CENPQ: variants seen among roughly 807,000 people sequenced by gnomAD.
CENPQ encodes the protein chromosome 6 open reading frame 139.
Under a neutral mutation model 36.6 loss-of-function variants are expected in CENPQ, and 27 were observed. The ratio of observed to expected loss-of-function variants is 0.74; its 90% confidence interval spans 0.54 to 1.02. The LOEUF is 1.02. Ranked by LOEUF, CENPQ falls within the 50% of genes least tolerant of loss-of-function variation. The pLI is 0.00. For synonymous variants in CENPQ, 101 were observed against 101.7 expected, an observed-to-expected ratio of 0.99 and a Z score of 0.04; for missense variants, 306 against 301.8, an observed-to-expected ratio of 1.01 and a Z score of -0.10.
intron 2 of CENPQ, 132 bp downstream of exon 2, chr6:49,470,410 T>A: frequency 2.0e-6 from 1 of 488,062 alleles, no homozygotes; most frequent in Non-Finnish European, 3.6e-6. Context: ...GAAACCATCC[T>A]GGCTAACATG....
At chr6:49,477,727 G>A (rs1768332225) in intron 5 of CENPQ, among the ~76,000 whole-genome samples, 5 of 152,062 alleles carry the variant, frequency 3.3e-5, no homozygotes, top group Admixed American at 3.3e-4. Flanking sequence ...TGAATCAGAT[G>A]GGTTGGGTCA....
chr6:49,487,196 C>G (rs1394389613), intron 6 of CENPQ, among the ~76,000 whole-genome samples: 1 of 71,928 alleles, frequency 1.4e-5, no homozygotes, highest in African/African-American at 5.0e-5. Flanking sequence ...AGAGTCTGTT[C>G]CTCCATGGAG....
chr6:49,474,708 C>T, intron 5 of CENPQ, among the ~76,000 whole-genome samples: 1 of 152,016 alleles, frequency 6.6e-6, no homozygotes, highest in Admixed American at 6.6e-5. Flanking sequence ...TTCAAAAAAT[C>T]AGTGAATCCA....
intron 1 of CENPQ, among the ~76,000 whole-genome samples, chr6:49,465,311 T>C (rs1392124098): frequency 6.6e-6 from 1 of 152,162 alleles, no homozygotes; most frequent in East Asian, 1.9e-4. Flanking sequence ...TTCTTCCATT[T>C]CCAGAGCACA....
At chr6:49,478,282 GA>G (rs920536404) in intron 5 of CENPQ, among the ~76,000 whole-genome samples, 1 of 152,152 alleles carries the variant, frequency 6.6e-6, no homozygotes, top group African/African-American at 2.4e-5. Flanking sequence ...AACCTATGGT[GA>G]ATTATATTTG....
chr6:49,474,308 A>G (rs1768220221), intron 5 of CENPQ, among the ~76,000 whole-genome samples: 1 of 152,186 alleles, frequency 6.6e-6, no homozygotes, highest in Non-Finnish European at 1.5e-5. Context: ...AGAAATTATA[A>G]CAAACTGTCT....
chr6:49,470,449 C>CA lies in CENPQ; in HGVS notation c.102+182dup, dbSNP rs143329397. 9.0e-3 allele frequency among the ~76,000 whole-genome samples: 1,259 copies of CA among 140,556 alleles called. 10 individuals carry two copies. Among genetic ancestry groups the CA allele is most frequent in the East Asian group, 0.029 (140 of 4,908 alleles). 92.2% of individuals were successfully genotyped at this position (140,556 alleles called of 152,430 possible). ...AAACCCCGTCTCTACTTAAAAAAAACAAAAAAAAAAATACAAAAAATTAGC... is the reference window on the plus strand; with the variant it reads ...AAACCCCGTCTCTACTTAAAAAAAACAAAAAAAAAAAATACAAAAAATTAGC... On this transcript the variant is annotated intron_variant, in intron 2 of 8. Transcript: ENST00000335783.
At chr6:49,475,510 G>T (rs1429424640) in intron 5 of CENPQ, among the ~76,000 whole-genome samples, 1 of 152,136 alleles carries the variant, frequency 6.6e-6, no homozygotes, top group African/African-American at 2.4e-5. Context: ...TTGAAAACTG[G>T]CACAAGACAG....
At position 49,481,038 on chromosome 6, in the gene CENPQ, G is replaced by A; in HGVS notation, c.435G>A (p.Arg145=). 6.2e-7 allele frequency: 1 copy of A among 1,610,418 alleles called. No homozygotes were observed. Among genetic ancestry groups the A allele is most frequent in the South Asian group, 1.1e-5 (1 of 89,820 alleles). ...TNVSSLLNME[R]ARDKANEEGL... ...TATCAAGTCTACTGAATATGGAAAG[G>A]GCACGAGACAAAGCTAATGAAGAAG... Residue 145 remains arginine, a synonymous_variant, in exon 6 of 9, where the codon AGG becomes AGA. Transcript: ENST00000335783.
chr6:49,486,207 G>A (rs989438425), intron 6 of CENPQ, among the ~76,000 whole-genome samples: 14 of 152,190 alleles, frequency 9.2e-5, no homozygotes, highest in African/African-American at 3.1e-4. Flanking sequence ...ACCAAAAGCT[G>A]AAAAAGACAA....
chr6:49,464,209 A>G (rs1029101110), intron 1 of CENPQ, among the ~76,000 whole-genome samples: 1 of 152,194 alleles, frequency 6.6e-6, no homozygotes, highest in Non-Finnish European at 1.5e-5. Context: ...TTCCCAGTGC[A>G]TATAACAGTT....
intron 6 of CENPQ, among the ~76,000 whole-genome samples, chr6:49,483,411 T>C (rs1201951553): frequency 1.3e-5 from 2 of 152,144 alleles, no homozygotes; most frequent in African/African-American, 4.8e-5. Context: ...AGTCCTGTGC[T>C]GTGCGCCCGC....
In CENPQ at chr6:49,471,470, C is replaced by A. The variant is rs932033013; in HGVS notation, c.157+442C>A. 3.2e-4 allele frequency among the ~76,000 whole-genome samples: 49 copies of A among 152,184 alleles called. 1 individual carries two copies. The highest frequency in any genetic ancestry group is 2.1e-4 in the South Asian group (1 of 4,836). The stretch of plus-strand genomic sequence containing the variant: ...TGTTTCATGGAAGGATTCTCTACGT[C>A]TCCTCAGCCAACACTAGGTTAGGTC... On this transcript the variant is annotated intron_variant, in intron 3 of 8. Coordinates refer to ENST00000335783, the MANE Select transcript of CENPQ (RefSeq NM_018132.4).
intron 5 of CENPQ, among the ~76,000 whole-genome samples, chr6:49,480,041 A>G (rs986545506): frequency 3.9e-5 from 6 of 152,130 alleles, no homozygotes; most frequent in Admixed American, 3.9e-4. Context: ...TAATCTGTAC[A>G]CCAAAGCCCC....
At chr6:49,481,355 T>C (rs936498038) in intron 6 of CENPQ, among the ~76,000 whole-genome samples, 2 of 152,148 alleles carry the variant, frequency 1.3e-5, no homozygotes, top group African/African-American at 2.4e-5. Flanking sequence ...AGAATGAAGC[T>C]GCGGACCCTC....
At chr6:49,473,014 G>T (rs1193387792) in intron 5 of CENPQ, among the ~76,000 whole-genome samples, 156 bp downstream of exon 5, 1 of 150,616 alleles carries the variant, frequency 6.6e-6, no homozygotes, top group African/African-American at 2.5e-5. Context: ...TTTCTAAACT[G>T]CTGCTCCACA....
At chr6:49,487,153 CA>C (rs1447745290) in intron 6 of CENPQ, among the ~76,000 whole-genome samples, 44 of 690 alleles carry the variant, frequency 0.064, 12 homozygotes, top group African/African-American at 0.086. Context: ...AACTCCATCT[CA>C]AAAAAAAAAA....
chr6:49,480,414 G>A (rs1768399587), intron 5 of CENPQ, among the ~76,000 whole-genome samples: 1 of 152,240 alleles, frequency 6.6e-6, no homozygotes, highest in South Asian at 2.1e-4. Context: ...TTTGAGCAAT[G>A]CACTTTGATC....
chr6:49,491,015 G>A (rs1040726401), intron 8 of CENPQ, among the ~76,000 whole-genome samples: 5 of 152,170 alleles, frequency 3.3e-5, no homozygotes, highest in African/African-American at 1.2e-4. Context: ...GATACAAAGT[G>A]AGCATGTGCT....
Sources: allele counts gnomAD v4.1 joint callset (sites outside exome capture counted in the v4.1 genomes callset), GRCh38; gene constraint gnomAD v4.1.1; transcripts MANE v1.5; gene names NCBI Gene and HGNC (gene_info 2026-07-23, HGNC 2026-07-21).